The following FLNB variants were observed in gnomAD, a reference collection of about 807,000 sequenced individuals.
The protein encoded by FLNB is filamin B, also known as filamin-B.
A neutral mutation model predicts 250.6 loss-of-function variants in FLNB; 111 were observed. The observed-to-expected ratio is 0.44, with a 90% CI of 0.38 to 0.52. FLNB has a LOEUF of 0.52. Among genes scored for constraint, FLNB ranks in the 20% least tolerant of loss-of-function variants. FLNB has a pLI of 0.00. For missense variants in FLNB, 2,869 were observed against 3,447.8 expected (o/e 0.83, Z 4.20); for synonymous variants, 1,302 against 1,372.1 (o/e 0.95, Z 1.13).
chr3:58,055,893 A>T (rs920594634), intron 1 of FLNB, among the ~76,000 whole-genome samples: 2 of 152,130 alleles, frequency 1.3e-5, no homozygotes, highest in Non-Finnish European at 2.9e-5. Context: ...AAGATCTAAC[A>T]GTGAGTCTAA....
At chr3:58,011,010 G>A (rs947659454) in intron 1 of FLNB, among the ~76,000 whole-genome samples, 1 of 152,106 alleles carries the variant, frequency 6.6e-6, no homozygotes, top group South Asian at 2.1e-4. Flanking sequence ...CACCTCCCGG[G>A]TTCAAGCGAT....
chr3:58,109,883 A>C, intron 15 of FLNB, 127 bp from the exon 16 acceptor site: 1 of 1,428,442 alleles, frequency 7.0e-7, no homozygotes. Context: ...CCAAATCCTT[A>C]CTCTTTCTCA....
chr3:58,081,014 G>A (rs561171128), intron 3 of FLNB, among the ~76,000 whole-genome samples: 17 of 152,012 alleles, frequency 1.1e-4, no homozygotes, highest in Admixed American at 7.9e-4. Flanking sequence ...GGCTTGTCTC[G>A]AACTCCTGAC....
chr3:58,124,440 C>A lies in FLNB; in HGVS notation c.3833C>A (p.Thr1278Asn). 6.2e-7 allele frequency: 1 copy of A among 1,614,246 alleles called. No homozygotes were observed. The highest frequency in any genetic ancestry group is 8.5e-7 in the Non-Finnish European group (1 of 1,180,044). Residue 1278 changes from threonine to asparagine, a missense_variant, in exon 22 of 46, where the codon ACC (threonine) becomes AAC (asparagine). This residue lies in a region of FLNB where 1,348 missense variants were observed against 1,466.7 expected (regional missense o/e 0.92). Coordinates refer to ENST00000295956, the MANE Select transcript of FLNB (RefSeq NM_001457.4). ...ATTGCCAACCCCTCAGGGGCCTCCA[C>A]CGAGTGCTTTGTCACAGACAATGCG... ...AHIANPSGASTECFVTDNADG... is the reference protein window; with the variant it reads ...AHIANPSGASNECFVTDNADG...
intron 1 of FLNB, among the ~76,000 whole-genome samples, chr3:58,012,383 G>A (rs1043433164): frequency 1.1e-4 from 17 of 152,134 alleles, no homozygotes; most frequent in African/African-American, 4.1e-4. Flanking sequence ...AGCCACTTGT[G>A]GAGGTGACCC....
chr3:58,071,274 CTTTTTTTT>C (rs57488190), intron 1 of FLNB, among the ~76,000 whole-genome samples: 1 of 81,624 alleles, frequency 1.2e-5, no homozygotes, highest in African/African-American at 5.9e-5. Flanking sequence ...CTCCTCGATT[CTTTTTTTT>C]TTTTTTTTTT....
At chr3:58,077,854 A>C (rs1576677731) in intron 2 of FLNB, among the ~76,000 whole-genome samples, 1 of 152,130 alleles carries the variant, frequency 6.6e-6, no homozygotes, top group African/African-American at 2.4e-5. Flanking sequence ...GTGTATATGA[A>C]GGTTGTAATT....
chr3:58,137,088 G>A (rs1055070928), intron 28 of FLNB, among the ~76,000 whole-genome samples: 3 of 152,102 alleles, frequency 2.0e-5, no homozygotes, highest in Admixed American at 6.6e-5. Context: ...TTTAAAACAC[G>A]AATCCCCATC....
At chr3:58,063,148 G>T (rs1199878582) in intron 1 of FLNB, among the ~76,000 whole-genome samples, 1 of 152,192 alleles carries the variant, frequency 6.6e-6, no homozygotes, top group Non-Finnish European at 1.5e-5. Flanking sequence ...AGGCTTCTCT[G>T]ACGCCCCAGC....
intron 1 of FLNB, among the ~76,000 whole-genome samples, chr3:58,056,724 A>G (rs762998470): frequency 4.0e-5 from 6 of 151,740 alleles, no homozygotes. Flanking sequence ...TCGAGTAGCT[A>G]GAATTACAGG....
At chr3:58,132,384 T>G in intron 25 of FLNB, 1 of 400,374 alleles carries the variant, frequency 2.5e-6, no homozygotes, top group South Asian at 2.3e-5. Context: ...AGCCAGCCCA[T>G]TGGTTAATTT....
In FLNB at chr3:58,132,518, C is replaced by A. The variant is rs568234452; in HGVS notation, c.4391-290C>A. On this transcript the variant is annotated intron_variant, in intron 25 of 45. Coordinates refer to ENST00000295956, the MANE Select transcript of FLNB (RefSeq NM_001457.4). ...GTCTTCAACACACATCATCCACATACACCCTCCAGCAGCAAGCACAGGCAG... is the reference window on the plus strand; with the variant it reads ...GTCTTCAACACACATCATCCACATAAACCCTCCAGCAGCAAGCACAGGCAG... 4 of 503,434 alleles carry A rather than the reference C, an allele frequency of 7.9e-6. No homozygotes were observed. In the East Asian group the frequency reaches 1.6e-4, roughly 20 times the overall value. The allele number at this position is 503,434 out of a possible 1,614,324, so 31.2% of individuals were successfully genotyped here.
chr3:58,011,823 T>TA (rs1365074470), intron 1 of FLNB, among the ~76,000 whole-genome samples: 1 of 152,206 alleles, frequency 6.6e-6, no homozygotes, highest in Admixed American at 6.5e-5. Context: ...GCAAGTCACT[T>TA]AGAGAGTTCA....
intron 26 of FLNB, among the ~76,000 whole-genome samples, chr3:58,133,317 C>T (rs1355288314): frequency 6.6e-6 from 1 of 151,956 alleles, no homozygotes; most frequent in Non-Finnish European, 1.5e-5. Flanking sequence ...GAAATCCTAA[C>T]CACGTGTGGT....
rs2097351270 is a variant in FLNB, at chr3:58,155,073, CAAG to C, written c.6772+147_6772+149del. 4.8e-6 allele frequency: 4 copies of C among 828,326 alleles called. No homozygotes were observed. The East Asian group carries it at 1.1e-4, about 22-fold the overall frequency. 51.3% of individuals were successfully genotyped at this position (828,326 alleles called of 1,614,324 possible). A position where few individuals can be genotyped will look rare whatever the true frequency, so the allele number is the denominator to read the frequency against. On this transcript the variant is annotated intron_variant, in intron 40 of 45. Coordinates refer to ENST00000295956, the MANE Select transcript of FLNB (RefSeq NM_001457.4). ...GGACAGCCTCCTAGAAATCCAGTTG[CAAG>C]ATACATGGCCAGACCTCTTAAGGGT...
intron 1 of FLNB, among the ~76,000 whole-genome samples, chr3:58,053,990 C>T (rs2097166608): frequency 1.3e-5 from 2 of 152,240 alleles, no homozygotes; most frequent in South Asian, 4.2e-4. Flanking sequence ...AGGCCCGTGG[C>T]AGGGTGGGGT....
intron 1 of FLNB, among the ~76,000 whole-genome samples, chr3:58,015,325 C>A (rs1194030449): frequency 6.6e-6 from 1 of 152,196 alleles, no homozygotes. Flanking sequence ...GACCCAAGTC[C>A]AGGACTTTGT....
chr3:58,169,252 A>G lies in FLNB; in HGVS notation c.7418-338A>G, dbSNP rs2097376782. The stretch of plus-strand genomic sequence containing the variant: ...ATTATATGTCATCCCAAACTTTTAC[A>G]CTGCTTATACATAGACTATTTTATG... On this transcript the variant is annotated intron_variant, in intron 44 of 45. Transcript: ENST00000295956. The surrounding 1 kb of genome is among the most constrained non-coding windows in gnomAD (Gnocchi z 4.8). 9.7e-6 allele frequency: 3 copies of G among 310,406 alleles called. No homozygotes were observed. Among genetic ancestry groups the G allele is most frequent in the Admixed American group, 4.7e-5 (1 of 21,440 alleles). 19.2% of individuals were successfully genotyped at this position (310,406 alleles called of 1,614,324 possible).
intron 1 of FLNB, among the ~76,000 whole-genome samples, chr3:58,062,788 A>G (rs1452496453): frequency 6.6e-6 from 1 of 152,192 alleles, no homozygotes; most frequent in Non-Finnish European, 1.5e-5. Flanking sequence ...TGGAATGCTC[A>G]TCTGTGCTAG....
Sources: allele counts gnomAD v4.1 joint callset (sites outside exome capture counted in the v4.1 genomes callset), GRCh38; gene constraint gnomAD v4.1.1; regional missense constraint gnomAD v4.1.1; non-coding constraint Gnocchi (gnomAD v3.1); transcripts MANE v1.5; gene names NCBI Gene and HGNC (gene_info 2026-07-23, HGNC 2026-07-21).